SLC14A2: variants seen among roughly 807,000 people sequenced by gnomAD.
The protein encoded by SLC14A2 is urea transporter 2.
Under a neutral mutation model 104.6 loss-of-function variants are expected in SLC14A2, and 91 were observed. The observed-to-expected ratio is 0.87, with a 90% CI of 0.73 to 1.04. The LOEUF (loss-of-function observed/expected upper bound fraction) is 1.04. Ranked by LOEUF, SLC14A2 falls within the 50% of genes least tolerant of loss-of-function variation. The probability of loss-of-function intolerance (pLI) is 0.00; values close to 1 mark genes in which losing one functional copy is unlikely to be tolerated. For synonymous variants in SLC14A2, 476 were observed against 466.4 expected, an observed-to-expected ratio of 1.02 and a Z score of -0.27; for missense variants, 1,189 against 1,156.0, an observed-to-expected ratio of 1.03 and a Z score of -0.41.
At chr18:45,491,079 C>T (rs181253544) in intron 2 of SLC14A2, among the ~76,000 whole-genome samples, 20 of 152,282 alleles carry the variant, frequency 1.3e-4, no homozygotes, top group Non-Finnish European at 2.8e-4. Flanking sequence ...TATACATACC[C>T]TATGACAACT....
chr18:45,629,020 G>T (rs937649603), intron 4 of SLC14A2, among the ~76,000 whole-genome samples: 2 of 152,196 alleles, frequency 1.3e-5, no homozygotes, highest in Non-Finnish European at 2.9e-5. Flanking sequence ...CAGCCAGTGG[G>T]TGGCAGGACT....
the SLC14A2 span, among the ~76,000 whole-genome samples, chr18:45,206,961 T>C: frequency 2.0e-5 from 3 of 152,226 alleles, no homozygotes; most frequent in Non-Finnish European, 4.4e-5. Flanking sequence ...TATCAGAGAA[T>C]GTGTATTGCC....
At chr18:45,270,225 G>A (rs2084637756) in intron 1 of SLC14A2, among the ~76,000 whole-genome samples, 1 of 152,168 alleles carries the variant, frequency 6.6e-6, no homozygotes, top group Non-Finnish European at 1.5e-5. Context: ...ACTCTGTGTG[G>A]GTTTCCTTTC....
chr18:45,509,082 T>C (rs1447883358), intron 2 of SLC14A2, among the ~76,000 whole-genome samples: 2 of 152,072 alleles, frequency 1.3e-5, no homozygotes, highest in Non-Finnish European at 2.9e-5. Context: ...TAGCCAGTGG[T>C]ATTGCAAGCC....
At chr18:45,316,254 A>G (rs1240519922) in intron 1 of SLC14A2, among the ~76,000 whole-genome samples, 2 of 152,148 alleles carry the variant, frequency 1.3e-5, no homozygotes, top group Non-Finnish European at 2.9e-5. Context: ...TTCCTTCCTG[A>G]GAAAGCCCTA....
chr18:45,349,284 T>G (rs926232937), intron 1 of SLC14A2, among the ~76,000 whole-genome samples: 1 of 152,226 alleles, frequency 6.6e-6, no homozygotes, highest in Non-Finnish European at 1.5e-5. Context: ...TAATCGGGAA[T>G]ACATAGAAAT....
At chr18:45,388,052 C>A (rs1213714970) in intron 1 of SLC14A2, among the ~76,000 whole-genome samples, 1 of 146,090 alleles carries the variant, frequency 6.8e-6, no homozygotes, top group Non-Finnish European at 1.5e-5. Flanking sequence ...CCTAAGCTCA[C>A]CTTGCTCATA....
rs528568771 is a variant in SLC14A2, at chr18:45,386,425, C to G, written c.-124-96808C>G. On this transcript the variant is annotated intron_variant, in intron 1 of 20. Coordinates refer to the SLC14A2 transcript ENST00000586448. ...AGACCGCAGGAGGGTCTTGCAAAACCAAAGCCAGCCATAAGCTTGTAGTCT... is the reference window on the plus strand; with the variant it reads ...AGACCGCAGGAGGGTCTTGCAAAACGAAAGCCAGCCATAAGCTTGTAGTCT... 4.9e-4 allele frequency among the ~76,000 whole-genome samples: 75 copies of G among 152,276 alleles called. 1 individual carries two copies. The highest frequency in any genetic ancestry group is 1.7e-3 in the African/African-American group (71 of 41,554).
the SLC14A2 span, among the ~76,000 whole-genome samples, chr18:45,176,699 TTC>T: frequency 3.3e-5 from 5 of 152,178 alleles, no homozygotes; most frequent in Non-Finnish European, 7.3e-5. Flanking sequence ...TCTCCTGATT[TTC>T]TCTCTGCATT....
At chr18:45,490,224 A>C (rs1032830925) in intron 2 of SLC14A2, among the ~76,000 whole-genome samples, 1 of 152,228 alleles carries the variant, frequency 6.6e-6, no homozygotes, top group African/African-American at 2.4e-5. Context: ...ACATCAAAGC[A>C]CAGGAAAAAA....
chr18:45,265,670 A>T (rs937034552), intron 1 of SLC14A2, among the ~76,000 whole-genome samples: 41 of 152,174 alleles, frequency 2.7e-4, no homozygotes, highest in African/African-American at 9.7e-4. Flanking sequence ...AAAACGGATG[A>T]TTTGGCCATC....
At chr18:45,593,295 C>T (rs1160927445) in intron 2 of SLC14A2, among the ~76,000 whole-genome samples, 3 of 149,594 alleles carry the variant, frequency 2.0e-5, no homozygotes, top group Non-Finnish European at 4.4e-5. Flanking sequence ...CCAGCCTGGG[C>T]GACAGAGCAA....
chr18:45,673,808 A>G lies in SLC14A2; in HGVS notation c.2503A>G (p.Ile835Val), dbSNP rs1379584812. The G allele has an allele frequency of 1.2e-6, 2 of 1,614,078 alleles. No homozygotes were observed. The highest frequency in any genetic ancestry group is 1.7e-6 in the Non-Finnish European group (2 of 1,179,904). Residue 835 changes from isoleucine to valine, a missense_variant, in exon 18 of 20, where the codon ATC (isoleucine) becomes GTC (valine). Transcript: ENST00000255226. ...VITWQTHLLA[I>V]ACALFAAYLG... is the part of the protein sequence containing the mutation. Reference sequence around the variant, plus strand: ...CACCTGGCAGACGCACCTCCTCGCCATCGCCTGCGGTAGGTACTCCCCACA... The same window carrying G: ...CACCTGGCAGACGCACCTCCTCGCCGTCGCCTGCGGTAGGTACTCCCCACA...
chr18:45,567,887 T>C (rs191379873), intron 2 of SLC14A2, among the ~76,000 whole-genome samples: 88 of 152,298 alleles, frequency 5.8e-4, no homozygotes, highest in African/African-American at 1.9e-3. Context: ...CAGGAGAAGA[T>C]GGTGAAGATG....
At chr18:45,255,864 G>C (rs1452474043) in intron 1 of SLC14A2, among the ~76,000 whole-genome samples, 1 of 152,128 alleles carries the variant, frequency 6.6e-6, no homozygotes, top group Non-Finnish European at 1.5e-5. Flanking sequence ...TTTGTGGGCA[G>C]CTCCTCCGCC....
At chr18:45,364,713 G>A (rs985303518) in intron 1 of SLC14A2, among the ~76,000 whole-genome samples, 6 of 152,134 alleles carry the variant, frequency 3.9e-5, no homozygotes, top group Admixed American at 6.6e-5. Flanking sequence ...GGGAATGCAC[G>A]TTTTAGAATA....
At chr18:45,479,006 C>A (rs2087442048) in intron 1 of SLC14A2, among the ~76,000 whole-genome samples, 1 of 152,220 alleles carries the variant, frequency 6.6e-6, no homozygotes. Context: ...CTTTGGCAAA[C>A]TCTGTGCTCT....
intron 1 of SLC14A2, among the ~76,000 whole-genome samples, chr18:45,395,590 T>C (rs1252682526): frequency 6.6e-6 from 1 of 152,190 alleles, no homozygotes. Flanking sequence ...AGCATTTATC[T>C]AATCCAAACT....
chr18:45,463,237 A>G (rs947153936), intron 1 of SLC14A2, among the ~76,000 whole-genome samples: 3 of 152,140 alleles, frequency 2.0e-5, no homozygotes, highest in African/African-American at 7.2e-5. Context: ...AATTGGGCAA[A>G]GGGGGAGGCA....
Sources: gnomAD v4.1 joint callset for allele counts (sites outside exome capture counted in the v4.1 genomes callset) on GRCh38, gnomAD v4.1.1 for gene constraint, MANE v1.5 for transcripts, NCBI Gene and HGNC (gene_info 2026-07-23, HGNC 2026-07-21) for gene names.